The following SEC23IP variants were observed in gnomAD, a reference collection of about 807,000 sequenced individuals.
SEC23IP encodes the protein SEC23 interacting protein, also known as SEC23-interacting protein.
In SEC23IP, 70 loss-of-function variants were observed where a neutral mutation model predicts 113.4. That is an observed-to-expected ratio of 0.62 (90% confidence interval 0.51 to 0.75). The LOEUF is 0.75. Ranked by LOEUF, SEC23IP falls within the 30% of genes least tolerant of loss-of-function variation. The probability of loss-of-function intolerance (pLI) is 0.00; values close to 1 mark genes in which losing one functional copy is unlikely to be tolerated. For synonymous variants in SEC23IP, 398 were observed against 421.0 expected, an observed-to-expected ratio of 0.95 and a Z score of 0.67; for missense variants, 1,160 against 1,204.9, an observed-to-expected ratio of 0.96 and a Z score of 0.55.
rs796569078 is a variant in SEC23IP, at chr10:119,944,173, C to G, written c.*3608C>G. On this transcript the variant is annotated 3_prime_UTR_variant, in exon 19 of 19. Coordinates refer to ENST00000369075, the MANE Select transcript of SEC23IP (RefSeq NM_007190.4). ...TGATTGGATCATGGGGGCTGTTTCC[C>G]CATGCTGTTCTTGTGATAGTGAGGG... The G allele has an allele frequency of 2.4e-4, 37 of 152,200 alleles. No individual in the cohort carries two copies. Among genetic ancestry groups the G allele is most frequent in the African/African-American group, 8.4e-4 (35 of 41,520 alleles). 9.4% of individuals were successfully genotyped at this position (152,200 alleles called of 1,614,324 possible). A position where few individuals can be genotyped will look rare whatever the true frequency, so the allele number is the denominator to read the frequency against.
At chr10:119,902,650 T>A (rs1854534146) in intron 2 of SEC23IP, 149 bp from the exon 3 acceptor site, 1 of 668,110 alleles carries the variant, frequency 1.5e-6, no homozygotes, top group African/African-American at 1.8e-5. Flanking sequence ...TAAAAATTCT[T>A]CTTAAAATTG....
At chr10:119,907,528 C>T (rs1198149264) in intron 4 of SEC23IP, among the ~76,000 whole-genome samples, 1 of 152,172 alleles carries the variant, frequency 6.6e-6, no homozygotes, top group Non-Finnish European at 1.5e-5. Context: ...TGTTGAATCT[C>T]TCCCCAAGAG....
At chr10:119,921,512 G>T (rs969865284) in intron 12 of SEC23IP, among the ~76,000 whole-genome samples, 11 of 152,092 alleles carry the variant, frequency 7.2e-5, no homozygotes, top group Non-Finnish European at 1.2e-4. Flanking sequence ...TTCCTTACAG[G>T]ATTGGAGTAA....
In SEC23IP at chr10:119,917,977, G is replaced by C. The variant is rs767747874; in HGVS notation, c.1686G>C (p.Leu562=). The change falls in exon 9 of 19, where the codon CTG becomes CTC. Residue 562 remains leucine (L), a synonymous_variant. Transcript: ENST00000369075. ...VEKVGMEINH[L]HALFMSRNPD... is the part of the protein sequence containing the mutation. ...AAGTAGGAATGGAGATAAACCATCT[G>C]CATGCACTCTTTATGAGTCGGAACC... The C allele has an allele frequency of 6.2e-7, 1 of 1,614,072 alleles. No homozygotes were observed. The highest frequency in any genetic ancestry group is 8.5e-7 in the Non-Finnish European group (1 of 1,179,936).
intron 17 of SEC23IP, 151 bp downstream of exon 17, chr10:119,933,318 T>G (rs1267810614): frequency 6.8e-6 from 5 of 731,582 alleles, no homozygotes; most frequent in Non-Finnish European, 6.7e-6. Flanking sequence ...TTTTTCCCCC[T>G]TAGTTACCCA....
At chr10:119,919,674 G>T (rs952207342) in intron 11 of SEC23IP, 78 bp downstream of exon 11, 5 of 1,180,282 alleles carry the variant, frequency 4.2e-6, no homozygotes, top group Non-Finnish European at 5.8e-6. Context: ...AAACATTTTC[G>T]TATCAAAATA....
At chr10:119,903,592 G>C (rs1854567138) in intron 3 of SEC23IP, among the ~76,000 whole-genome samples, 1 of 152,094 alleles carries the variant, frequency 6.6e-6, no homozygotes, top group Admixed American at 6.5e-5. Flanking sequence ...GTTTGCCCTA[G>C]CTGTTTCTTT....
At chr10:119,916,863 TA>T (rs953710117) in intron 8 of SEC23IP, among the ~76,000 whole-genome samples, 21 of 149,502 alleles carry the variant, frequency 1.4e-4, no homozygotes, top group African/African-American at 3.7e-4. Context: ...CAAATAACTT[TA>T]AAAAAAAAAC....
At chr10:119,902,697 GA>G in intron 2 of SEC23IP, 101 bp from the exon 3 acceptor site, 1 of 915,682 alleles carries the variant, frequency 1.1e-6, no homozygotes, top group East Asian at 2.4e-5. Flanking sequence ...TAATTGTCCA[GA>G]TATACATGTA....
chr10:119,899,088 T>C lies in SEC23IP; in HGVS notation c.696+129T>C, dbSNP rs919368328. The C allele has an allele frequency of 6.1e-6, 5 of 821,768 alleles. No individual in the cohort carries two copies. In the African/African-American group the frequency reaches 6.8e-5, roughly 11 times the overall value. 50.9% of individuals were successfully genotyped at this position (821,768 alleles called of 1,614,324 possible). On this transcript the variant is annotated intron_variant, in intron 2 of 18. Coordinates refer to ENST00000369075, the MANE Select transcript of SEC23IP (RefSeq NM_007190.4). ...ACAAATTAGTTTCAGAGGGTATTCT[T>C]TGTAAGCTACATGAAGTAAACATTG...
chr10:119,925,442 CTTAA>C, intron 12 of SEC23IP, among the ~76,000 whole-genome samples: 1 of 152,258 alleles, frequency 6.6e-6, no homozygotes, highest in Non-Finnish European at 1.5e-5. Flanking sequence ...TTCTTTGCTT[CTTAA>C]TTATTTTTCT....
rs1255801773 is a variant in SEC23IP at position 119,941,712 on chromosome 10, A to T, written c.*1147A>T. Reference sequence around the variant, plus strand: ...TAATTAGTGTGAATAAAGCAGTAACATTAATGCATTTTTTAAGCAGCAAAC... The same window carrying T: ...TAATTAGTGTGAATAAAGCAGTAACTTTAATGCATTTTTTAAGCAGCAAAC... On this transcript the variant is annotated 3_prime_UTR_variant, in exon 19 of 19. Coordinates refer to ENST00000369075, the MANE Select transcript of SEC23IP (RefSeq NM_007190.4). The T allele has an allele frequency of 6.5e-6, 1 of 152,672 alleles. No homozygotes were observed. Among genetic ancestry groups the T allele is most frequent in the Non-Finnish European group, 1.5e-5 (1 of 68,036 alleles). The allele number at this position is 152,672 out of a possible 1,614,324, so 9.5% of individuals were successfully genotyped here. A position where few individuals can be genotyped will look rare whatever the true frequency, so the allele number is the denominator to read the frequency against.
At chr10:119,926,448 A>G (rs1459967031) in intron 13 of SEC23IP, among the ~76,000 whole-genome samples, 2 of 152,134 alleles carry the variant, frequency 1.3e-5, no homozygotes, top group African/African-American at 4.8e-5. Context: ...AATTGTCTCT[A>G]TTTCAGTTTT....
chr10:119,931,118 A>G (rs914918075), intron 15 of SEC23IP, among the ~76,000 whole-genome samples: 6 of 152,092 alleles, frequency 3.9e-5, no homozygotes, highest in Non-Finnish European at 8.8e-5. Flanking sequence ...CAACAGTAGA[A>G]AAAGTGAAGG....
At chr10:119,934,292 C>G (rs1163549468) in intron 18 of SEC23IP, among the ~76,000 whole-genome samples, 2 of 152,212 alleles carry the variant, frequency 1.3e-5, no homozygotes, top group African/African-American at 4.8e-5. Flanking sequence ...GAGGGTAGTA[C>G]TCCTCACATC....
chr10:119,921,156 G>A lies in SEC23IP; in HGVS notation c.2121+172G>A, dbSNP rs992583655. Among the ~76,000 whole-genome samples the A allele has an allele frequency of 4.5e-4, 68 of 152,204 alleles. 1 individual carries two copies. The highest frequency in any genetic ancestry group is 9.6e-4 in the Non-Finnish European group (65 of 68,032). On this transcript the variant is annotated intron_variant, in intron 12 of 18. Transcript: ENST00000369075. ...ACTTAGGAGTCAGAGTTGGGCTTAAGTCCACATTAGGCTAAGTGACCATCC... is the reference window on the plus strand; with the variant it reads ...ACTTAGGAGTCAGAGTTGGGCTTAAATCCACATTAGGCTAAGTGACCATCC...
intron 18 of SEC23IP, among the ~76,000 whole-genome samples, chr10:119,937,416 A>G (rs1395629826): frequency 6.6e-6 from 1 of 151,850 alleles, no homozygotes; most frequent in African/African-American, 2.4e-5. Flanking sequence ...ACCTGAGGTC[A>G]GGAGGTTGAG....
At chr10:119,917,096 C>T (rs146041935) in intron 8 of SEC23IP, among the ~76,000 whole-genome samples, 23 of 152,238 alleles carry the variant, frequency 1.5e-4, no homozygotes, top group Non-Finnish European at 2.8e-4. Context: ...CTTGATCTCC[C>T]GGGCTCAAGC....
In SEC23IP at chr10:119,933,741, A is replaced by G. The variant is rs553893309; in HGVS notation, c.2977A>G (p.Ile993Val). Residue 993 changes from isoleucine to valine, a missense_variant, in exon 18 of 19, where the codon ATT becomes GTT. By Grantham distance (29) the Ile-to-Val change is conservative. Transcript: ENST00000369075. ...LLKEIYRTMN[I>V]SPEQPQH The stretch of plus-strand genomic sequence containing the variant: ...TAAAGAAATTTATCGAACAATGAAC[A>G]TTAGTCCAGAACAGCCCCAGCATTG... 10 of 1,591,908 alleles carry G rather than the reference A, an allele frequency of 6.3e-6. No homozygotes were observed. The South Asian group carries it at 6.6e-5, about 11-fold the overall frequency.
Sources: gnomAD v4.1 joint callset for allele counts (sites outside exome capture counted in the v4.1 genomes callset) on GRCh38, gnomAD v4.1.1 for gene constraint, MANE v1.5 for transcripts, NCBI Gene and HGNC (gene_info 2026-07-23, HGNC 2026-07-21) for gene names.